The following MMP16 variants were observed in gnomAD, a reference collection of about 807,000 sequenced individuals.
MMP16 encodes matrix metallopeptidase 16, also known as matrix metalloproteinase-16.
Under a neutral mutation model 67.8 loss-of-function variants are expected in MMP16, and 12 were observed. The ratio of observed to expected loss-of-function variants is 0.18; its 90% CI spans 0.11 to 0.29. The LOEUF is 0.29. Among genes scored for constraint, MMP16 ranks in the 10% least tolerant of loss-of-function variants. MMP16 has a pLI of 1.00. For missense variants in MMP16, 475 were observed against 765.7 expected, an observed-to-expected ratio of 0.62 and a Z score of 4.48; for synonymous variants, 249 against 255.9, an observed-to-expected ratio of 0.97 and a Z score of 0.26.
At chr8:88,220,963 A>G (rs1459079524) in intron 1 of MMP16, among the ~76,000 whole-genome samples, 2 of 152,178 alleles carry the variant, frequency 1.3e-5, no homozygotes, top group Non-Finnish European at 2.9e-5. Context: ...TGGAAGGACC[A>G]GTTAAATTCG....
intron 8 of MMP16, among the ~76,000 whole-genome samples, chr8:88,055,870 G>T (rs1290260064): frequency 6.6e-6 from 1 of 151,946 alleles, no homozygotes; most frequent in South Asian, 2.1e-4. Flanking sequence ...AGCATTATGG[G>T]CATGTTACAA....
intron 1 of MMP16, among the ~76,000 whole-genome samples, chr8:88,326,201 T>G (rs184659598): frequency 6.6e-6 from 1 of 152,342 alleles, no homozygotes; most frequent in Admixed American, 6.5e-5. Flanking sequence ...ACAGCCCAGG[T>G]GTATACACGC....
intron 6 of MMP16, among the ~76,000 whole-genome samples, chr8:88,082,979 T>C (rs1045764301): frequency 1.3e-5 from 2 of 151,994 alleles, no homozygotes; most frequent in Admixed American, 1.3e-4. Context: ...TAGTGGGAAA[T>C]AGACCACAAA....
chr8:88,191,877 G>A (rs1056871940), intron 2 of MMP16, among the ~76,000 whole-genome samples: 12 of 152,152 alleles, frequency 7.9e-5, no homozygotes, highest in South Asian at 2.1e-4. Flanking sequence ...CCAGGGAAAC[G>A]TCATCCCTTG....
In MMP16 at chr8:88,032,523, A is replaced by G. The variant is rs541271747; in HGVS notation, c.*8938T>C. ...TATGAGGCCTTGATTTACTAATAAA[A>G]GACAACTTGTGAATAATAAACACTG... On this transcript the variant is annotated 3_prime_UTR_variant, in exon 10 of 10. Coordinates refer to ENST00000286614, the MANE Select transcript of MMP16 (RefSeq NM_005941.5). 1 of 152,326 alleles carries G rather than the reference A, an allele frequency of 6.6e-6. No homozygotes were observed. The highest frequency in any genetic ancestry group is 2.1e-4 in the South Asian group (1 of 4,834). The allele number at this position is 152,326 out of a possible 1,614,324, so 9.4% of individuals were successfully genotyped here. A position where few individuals can be genotyped will look rare whatever the true frequency, so the allele number is the denominator to read the frequency against.
intron 4 of MMP16, among the ~76,000 whole-genome samples, chr8:88,160,793 A>G (rs557484130): frequency 6.6e-6 from 1 of 152,214 alleles, no homozygotes; most frequent in African/African-American, 2.4e-5. Flanking sequence ...GTATATACCC[A>G]AAGGACTATA....
At chr8:88,170,527 T>C (rs1417642520) in intron 3 of MMP16, among the ~76,000 whole-genome samples, 3 of 152,194 alleles carry the variant, frequency 2.0e-5, no homozygotes, top group African/African-American at 7.2e-5. Context: ...GATATTCCTA[T>C]GACACATCAT....
At chr8:88,297,301 C>A (rs919014869) in intron 1 of MMP16, among the ~76,000 whole-genome samples, 1 of 152,142 alleles carries the variant, frequency 6.6e-6, no homozygotes, top group African/African-American at 2.4e-5. Flanking sequence ...GAAGCAGTGC[C>A]AACAGCTAGA....
At chr8:88,290,557 A>T (rs1436840427) in intron 1 of MMP16, among the ~76,000 whole-genome samples, 4 of 152,096 alleles carry the variant, frequency 2.6e-5, no homozygotes, top group African/African-American at 9.7e-5. Flanking sequence ...CGTCTCAAAA[A>T]AAAAAAATTG....
At chr8:88,189,653 C>G (rs766998546) in intron 2 of MMP16, among the ~76,000 whole-genome samples, 24 of 152,142 alleles carry the variant, frequency 1.6e-4, no homozygotes, top group Non-Finnish European at 2.6e-4. Flanking sequence ...TGAGGGTGTC[C>G]CCTGTCCTCC....
rs143032191 is a variant in MMP16, at chr8:88,035,675, C to T, written c.*5786G>A. On this transcript the variant is annotated 3_prime_UTR_variant, in exon 10 of 10. Coordinates refer to ENST00000286614, the MANE Select transcript of MMP16 (RefSeq NM_005941.5). The surrounding 1 kb of genome is among the most constrained non-coding windows in gnomAD (Gnocchi z 4.7). ...TTGTTCTAATAAATGATGCATGTCACGTCCAGTTATAAGCCCATAATTGTG... is the reference window on the plus strand; with the variant it reads ...TTGTTCTAATAAATGATGCATGTCATGTCCAGTTATAAGCCCATAATTGTG... 78 of 151,978 alleles carry T rather than the reference C, an allele frequency of 5.1e-4. No individual in the cohort carries two copies. The highest frequency in any genetic ancestry group is 1.5e-3 in the African/African-American group (63 of 41,518). The allele number at this position is 151,978 out of a possible 1,614,324, so 9.4% of individuals were successfully genotyped here. A position where few individuals can be genotyped will look rare whatever the true frequency, so the allele number is the denominator to read the frequency against.
At chr8:88,169,495 C>A (rs777441012) in intron 3 of MMP16, among the ~76,000 whole-genome samples, 88 of 152,204 alleles carry the variant, frequency 5.8e-4, no homozygotes, top group Middle Eastern at 3.4e-3. Context: ...GGTTTTCAAT[C>A]CAAACATTTG....
chr8:88,136,285 T>C (rs1241847375), intron 4 of MMP16, among the ~76,000 whole-genome samples: 1 of 151,868 alleles, frequency 6.6e-6, no homozygotes, highest in East Asian at 1.9e-4. Flanking sequence ...AAATAGACAC[T>C]AAGCACTGTA....
chr8:88,279,584 T>C (rs1254810607), intron 1 of MMP16, among the ~76,000 whole-genome samples: 2 of 152,146 alleles, frequency 1.3e-5, no homozygotes, highest in African/African-American at 4.8e-5. Flanking sequence ...TCAGCAAAAT[T>C]TGGAGACACA....
intron 6 of MMP16, among the ~76,000 whole-genome samples, chr8:88,101,887 G>A (rs1339459057): frequency 6.6e-6 from 1 of 151,774 alleles, no homozygotes; most frequent in Non-Finnish European, 1.5e-5. Flanking sequence ...GGCTGTCTCT[G>A]ATTCTCTTCA....
At chr8:88,126,945 T>C (rs766315654) in intron 4 of MMP16, among the ~76,000 whole-genome samples, 39 of 151,876 alleles carry the variant, frequency 2.6e-4, no homozygotes, top group Non-Finnish European at 5.0e-4. Context: ...TAACTACTTC[T>C]ACCACTGCGA....
At chr8:88,180,830 A>C (rs1278360099) in intron 3 of MMP16, among the ~76,000 whole-genome samples, 1 of 152,182 alleles carries the variant, frequency 6.6e-6, no homozygotes, top group East Asian at 1.9e-4. Flanking sequence ...TATACAAAGA[A>C]CTGTACATTA....
intron 1 of MMP16, among the ~76,000 whole-genome samples, chr8:88,224,425 G>A (rs1809736008): frequency 6.6e-6 from 1 of 151,908 alleles, no homozygotes; most frequent in Admixed American, 6.6e-5. Flanking sequence ...CCTTTTCCCA[G>A]TATGCTTGTA....
chr8:88,149,153 G>C (rs981885136), intron 4 of MMP16, among the ~76,000 whole-genome samples: 3 of 152,190 alleles, frequency 2.0e-5, no homozygotes, highest in Admixed American at 1.3e-4. Context: ...CTTTTCAGAC[G>C]GGCTTAAAAA....
Sources: allele counts gnomAD v4.1 joint callset (sites outside exome capture counted in the v4.1 genomes callset), GRCh38; gene constraint gnomAD v4.1.1; non-coding constraint Gnocchi (gnomAD v3.1); transcripts MANE v1.5; gene names NCBI Gene and HGNC (gene_info 2026-07-23, HGNC 2026-07-21).